OTUB2: variants seen among roughly 807,000 people sequenced by gnomAD.
The protein encoded by OTUB2 is ubiquitin thioesterase OTUB2.
A neutral mutation model predicts 25.1 loss-of-function variants in OTUB2; 21 were observed. The ratio of observed to expected loss-of-function variants is 0.84; its 90% CI spans 0.59 to 1.21. The LOEUF (loss-of-function observed/expected upper bound fraction) is 1.21, where lower values mean the gene tolerates loss of function less well. OTUB2 is among the 50% of genes most tolerant of loss of function. The probability of loss-of-function intolerance (pLI) is 0.00; values close to 1 mark genes in which losing one functional copy is unlikely to be tolerated. For synonymous variants in OTUB2, 122 were observed against 122.8 expected (o/e 0.99, Z 0.04); for missense variants, 283 against 298.0 (o/e 0.95, Z 0.37).
intron 1 of OTUB2, among the ~76,000 whole-genome samples, chr14:94,028,009 C>T (rs1450898717): frequency 3.3e-5 from 5 of 152,212 alleles, no homozygotes; most frequent in East Asian, 3.8e-4. Context: ...GGCCACCACT[C>T]GGCAGCTGAG....
intron 3 of OTUB2, among the ~76,000 whole-genome samples, chr14:94,039,753 C>T (rs1057426752): frequency 6.6e-6 from 1 of 152,206 alleles, no homozygotes; most frequent in African/African-American, 2.4e-5. Flanking sequence ...TCAAACCACG[C>T]TTTGAGGAGC....
intron 3 of OTUB2, 67 bp from the exon 4 acceptor site, chr14:94,043,904 G>A (rs776816875): frequency 1.4e-5 from 20 of 1,430,294 alleles, no homozygotes; most frequent in East Asian, 2.3e-5. Context: ...AGAGGGGGAC[G>A]CACAGTTGCC....
rs907394892 is a variant in OTUB2 at position 94,047,484 on chromosome 14, T to C, written c.*1562T>C. ...CTCTGGCTAAGTCATTATGTCACTTTTTCACAGGAATGTAAATTTGACTGT... is the reference window on the plus strand; with the variant it reads ...CTCTGGCTAAGTCATTATGTCACTTCTTCACAGGAATGTAAATTTGACTGT... On this transcript the variant is annotated 3_prime_UTR_variant, in exon 6 of 6. Transcript: ENST00000203664. 6.6e-6 allele frequency: 1 copy of C among 152,248 alleles called. No homozygotes were observed. The highest frequency in any genetic ancestry group is 2.4e-5 in the African/African-American group (1 of 41,472). The allele number at this position is 152,248 out of a possible 1,614,324, so 9.4% of individuals were successfully genotyped here.
Position 94,038,058 on chromosome 14 carries a change from G to A in OTUB2, c.99+583G>A, listed in dbSNP as rs373561236. 1.6e-3 allele frequency among the ~76,000 whole-genome samples: 245 copies of A among 152,360 alleles called. 1 individual carries two copies. The highest frequency in any genetic ancestry group is 5.4e-3 in the African/African-American group (223 of 41,568). Reference sequence around the variant, plus strand: ...TCTGCACTCTGCAGGTCTTCCTCTCGCTGCAGGACAGGCTTGCTCTGGCAC... The same window carrying A: ...TCTGCACTCTGCAGGTCTTCCTCTCACTGCAGGACAGGCTTGCTCTGGCAC... On this transcript the variant is annotated intron_variant, in intron 2 of 5. Coordinates refer to ENST00000203664, the MANE Select transcript of OTUB2 (RefSeq NM_023112.4).
At chr14:94,038,833 G>A in intron 2 of OTUB2, 130 bp from the exon 3 acceptor site, 1 of 823,770 alleles carries the variant, frequency 1.2e-6, no homozygotes, top group South Asian at 1.3e-5. Flanking sequence ...GAGGCTGAGG[G>A]GATAGCAGCC....
rs114667875 is a variant in OTUB2, at chr14:94,034,794, G to A, written c.4-2586G>A. ...CATTGACGGTGGGAAGGAGTAGAAC[G>A]TTCCATCTCTGTTCCTTTTATCCAA... is the stretch of plus-strand genomic sequence containing the variant. On this transcript the variant is annotated intron_variant, in intron 1 of 5. Transcript: ENST00000203664. 3.2e-3 allele frequency among the ~76,000 whole-genome samples: 485 copies of A among 152,282 alleles called. 5 individuals carry two copies. Among genetic ancestry groups the A allele is most frequent in the African/African-American group, 0.011 (461 of 41,542 alleles).
intron 5 of OTUB2, among the ~76,000 whole-genome samples, chr14:94,045,249 G>A (rs918217577): frequency 3.9e-5 from 6 of 152,090 alleles, no homozygotes; most frequent in Non-Finnish European, 5.9e-5. Flanking sequence ...TAGGACATAC[G>A]CCTGCTTGCC....
intron 3 of OTUB2, among the ~76,000 whole-genome samples, chr14:94,040,766 G>C (rs1885145672): frequency 1.3e-5 from 2 of 152,258 alleles, no homozygotes; most frequent in South Asian, 4.1e-4. Context: ...AATGGTAGAA[G>C]ATGCACAGTA....
intron 1 of OTUB2, among the ~76,000 whole-genome samples, chr14:94,033,688 G>A (rs1338807155): frequency 6.6e-6 from 1 of 152,222 alleles, no homozygotes; most frequent in Non-Finnish European, 1.5e-5. Context: ...CGGGACTTTG[G>A]AATGAAGTCA....
chr14:94,038,899 A>G (rs1885106909), intron 2 of OTUB2, 64 bp from the exon 3 acceptor site: 2 of 1,442,258 alleles, frequency 1.4e-6, no homozygotes, highest in African/African-American at 1.4e-5. Context: ...GGCCAGTCCC[A>G]GTGCCCAAAC....
At chr14:94,033,874 G>A (rs1044433734) in intron 1 of OTUB2, among the ~76,000 whole-genome samples, 7 of 152,182 alleles carry the variant, frequency 4.6e-5, no homozygotes, top group Non-Finnish European at 8.8e-5. Flanking sequence ...CAAATTAATT[G>A]TACAACTAGC....
intron 3 of OTUB2, among the ~76,000 whole-genome samples, chr14:94,041,055 G>A (rs1056358500): frequency 1.3e-5 from 2 of 152,212 alleles, no homozygotes; most frequent in African/African-American, 4.8e-5. Flanking sequence ...AGGGAGATGT[G>A]GTCGGGGAGA....
At position 94,037,325 on chromosome 14, in the gene OTUB2, T is replaced by A. The variant is rs1885073910; in HGVS notation, c.4-55T>A. The A allele has an allele frequency of 3.0e-6, 4 of 1,319,118 alleles. No homozygotes were observed. The South Asian group carries it at 5.0e-5, about 16-fold the overall frequency. The allele number at this position is 1,319,118 out of a possible 1,614,324, so 81.7% of individuals were successfully genotyped here. A position where few individuals can be genotyped will look rare whatever the true frequency, so the allele number is the denominator to read the frequency against. On this transcript the variant is annotated intron_variant, in intron 1 of 5. Coordinates refer to ENST00000203664, the MANE Select transcript of OTUB2 (RefSeq NM_023112.4). ...GTTCAGAGGCCACCAGCTCGGGGAG[T>A]CCCGTCCGTTGCTTTTGAAATTGTC...
chr14:94,043,592 C>T lies in OTUB2; in HGVS notation c.219-379C>T, dbSNP rs572961404. On this transcript the variant is annotated intron_variant, in intron 3 of 5. Coordinates refer to ENST00000203664, the MANE Select transcript of OTUB2 (RefSeq NM_023112.4). ...CAGATGCTTAACAGCCGGCTGTGGG[C>T]GTGCGGGAGGCCTGATGTGTGTTGT... Among the ~76,000 whole-genome samples, 10 of 152,340 alleles carry T rather than the reference C, an allele frequency of 6.6e-5. 1 individual carries two copies. The South Asian group carries it at 1.2e-3, about 19-fold the overall frequency.
chr14:94,028,487 G>C (rs1884904138), intron 1 of OTUB2, among the ~76,000 whole-genome samples: 1 of 152,262 alleles, frequency 6.6e-6, no homozygotes, highest in Admixed American at 6.5e-5. Context: ...GTGAGACAAG[G>C]ACCAGACCTC....
intron 3 of OTUB2, among the ~76,000 whole-genome samples, chr14:94,040,717 AAG>A (rs1423252494): frequency 3.3e-5 from 5 of 152,234 alleles, no homozygotes; most frequent in African/African-American, 1.2e-4. Flanking sequence ...TGCAGTGAAC[AAG>A]AGAGACAAAA....
At chr14:94,033,182 T>A (rs943851049) in intron 1 of OTUB2, among the ~76,000 whole-genome samples, 1 of 152,178 alleles carries the variant, frequency 6.6e-6, no homozygotes, top group Non-Finnish European at 1.5e-5. Context: ...AGTGCTAGGA[T>A]TACAGAGGTG....
rs996168589 is a variant in OTUB2, at chr14:94,038,131, C to T, written c.99+656C>T. ...CAAGTTCCTCTCAGACACGCAGCAC[C>T]GTTGCTGGGCCTCATTACTTATCCT... On this transcript the variant is annotated intron_variant, in intron 2 of 5. Transcript: ENST00000203664. 3.3e-5 allele frequency among the ~76,000 whole-genome samples: 5 copies of T among 152,262 alleles called. 1 individual carries two copies. The highest frequency in any genetic ancestry group is 1.3e-4 in the Admixed American group (2 of 15,290).
At chr14:94,032,610 G>T (rs2141408213) in intron 1 of OTUB2, among the ~76,000 whole-genome samples, 1 of 151,916 alleles carries the variant, frequency 6.6e-6, no homozygotes, top group South Asian at 2.1e-4. Flanking sequence ...ATGGGTGGGG[G>T]CGAGGGTTGC....
Sources: gnomAD v4.1 joint callset for allele counts (sites outside exome capture counted in the v4.1 genomes callset) on GRCh38, gnomAD v4.1.1 for gene constraint, MANE v1.5 for transcripts, NCBI Gene and HGNC (gene_info 2026-07-23, HGNC 2026-07-21) for gene names.